PRKACB: variants seen among roughly 807,000 people sequenced by gnomAD.
PRKACB encodes the protein protein kinase cAMP-activated catalytic subunit beta.
A neutral mutation model predicts 51.4 loss-of-function variants in PRKACB; 16 were observed. The ratio of observed to expected loss-of-function variants is 0.31; its 90% CI spans 0.21 to 0.47. The LOEUF is 0.47. Ranked by LOEUF, PRKACB falls within the 20% of genes least tolerant of loss-of-function variation. PRKACB has a pLI of 1.00. For missense variants in PRKACB, 309 were observed against 464.5 expected, an observed-to-expected ratio of 0.67 and a Z score of 3.08; for synonymous variants, 147 against 154.4, an observed-to-expected ratio of 0.95 and a Z score of 0.35.
intron 5 of PRKACB, among the ~76,000 whole-genome samples, chr1:84,189,664 T>C (rs1264629656): frequency 6.6e-6 from 1 of 151,960 alleles, no homozygotes; most frequent in Admixed American, 6.6e-5. Context: ...TTACTATTTT[T>C]AATGAAGAGG....
At chr1:84,202,941 CTATCA>C (rs1572406654) in intron 8 of PRKACB, 136 bp downstream of exon 8, 1 of 783,848 alleles carries the variant, frequency 1.3e-6, no homozygotes, top group Non-Finnish European at 1.8e-6. Flanking sequence ...GCTGCTCTTA[CTATCA>C]TAAGAATTGA....
chr1:84,222,879 A>T (rs1006700349), intron 9 of PRKACB, among the ~76,000 whole-genome samples: 1 of 152,042 alleles, frequency 6.6e-6, no homozygotes, highest in African/African-American at 2.4e-5. Context: ...TGAGAAATCC[A>T]CGTTAGTCTG....
chr1:84,144,273 A>C lies in PRKACB; in HGVS notation c.-89A>C. 1 of 1,540,172 alleles carries C rather than the reference A, an allele frequency of 6.5e-7. No homozygotes were observed. Among genetic ancestry groups the C allele is most frequent in the Non-Finnish European group, 8.7e-7 (1 of 1,151,982 alleles). On this transcript the variant is annotated 5_prime_UTR_variant, in exon 1 of 10. It removes an upstream start codon present in the reference 5' UTR. Transcript: ENST00000370685. ...ACCCTGCAAACAGGAAGTTTGACAC[A>C]TGCATAGCTCTTAGCTTCTGTGTAA... is the stretch of plus-strand genomic sequence containing the variant.
chr1:84,225,522 G>A (rs1402687806), intron 9 of PRKACB, among the ~76,000 whole-genome samples: 1 of 152,140 alleles, frequency 6.6e-6, no homozygotes, highest in Admixed American at 6.5e-5. Context: ...ATAGACATGG[G>A]GCACTGTCAG....
chr1:84,172,579 T>C (rs1041777542), intron 1 of PRKACB, among the ~76,000 whole-genome samples: 5 of 151,784 alleles, frequency 3.3e-5, no homozygotes, highest in African/African-American at 1.2e-4. Context: ...TGTATCCATC[T>C]ATCCATGTAG....
At chr1:84,175,968 T>C (rs552118551) in intron 1 of PRKACB, among the ~76,000 whole-genome samples, 1 of 151,858 alleles carries the variant, frequency 6.6e-6, no homozygotes, top group South Asian at 2.1e-4. Flanking sequence ...CAGTAGAGAA[T>C]AAAATGTGTT....
In PRKACB at chr1:84,237,749, G is replaced by A. The variant is rs1407539727; in HGVS notation, c.*2444G>A. 6.6e-6 allele frequency: 1 copy of A among 152,126 alleles called. No individual in the cohort carries two copies. Among genetic ancestry groups the A allele is most frequent in the East Asian group, 1.9e-4 (1 of 5,202 alleles). The allele number at this position is 152,126 out of a possible 1,614,324, so 9.4% of individuals were successfully genotyped here. ...AACCTAAAATTACATATTTGAAACAGAAGATATTATGTTATGCTCAGTAAA... is the reference window on the plus strand; with the variant it reads ...AACCTAAAATTACATATTTGAAACAAAAGATATTATGTTATGCTCAGTAAA... On this transcript the variant is annotated 3_prime_UTR_variant, in exon 10 of 10. Coordinates refer to ENST00000370685, the MANE Select transcript of PRKACB (RefSeq NM_182948.4).
intron 8 of PRKACB, chr1:84,204,884 A>G: frequency 2.0e-6 from 2 of 983,638 alleles, no homozygotes; most frequent in South Asian, 9.4e-5. Flanking sequence ...TTTGCCAATC[A>G]TTCTCTATTG....
intron 1 of PRKACB, among the ~76,000 whole-genome samples, chr1:84,098,623 T>G (rs1649104824): frequency 6.6e-6 from 1 of 152,044 alleles, no homozygotes; most frequent in Admixed American, 6.6e-5. Flanking sequence ...ACAATATGAT[T>G]GCCAGATAAC....
chr1:84,186,768 G>C (rs75265671), intron 5 of PRKACB, among the ~76,000 whole-genome samples: 2,381 of 152,132 alleles, frequency 0.016, 62 homozygotes, highest in African/African-American at 0.054. Context: ...TTATCTGTTG[G>C]GGGGTGTCTA....
At chr1:84,114,458 G>A (rs1470634491) in intron 1 of PRKACB, among the ~76,000 whole-genome samples, 1 of 151,920 alleles carries the variant, frequency 6.6e-6, no homozygotes, top group Non-Finnish European at 1.5e-5. Flanking sequence ...GTTATTTGTA[G>A]TGTTCTTTTT....
At chr1:84,218,199 T>C (rs1166765376) in intron 9 of PRKACB, among the ~76,000 whole-genome samples, 1 of 152,192 alleles carries the variant, frequency 6.6e-6, no homozygotes, top group Non-Finnish European at 1.5e-5. Flanking sequence ...TAATATATTG[T>C]TGTGAAATAT....
At chr1:84,107,071 C>T (rs1425471996) in intron 1 of PRKACB, among the ~76,000 whole-genome samples, 1 of 152,092 alleles carries the variant, frequency 6.6e-6, no homozygotes, top group East Asian at 1.9e-4. Context: ...ATAATCTGTA[C>T]ACCACACCCC....
At chr1:84,138,669 C>T (rs1653082753) in intron 1 of PRKACB, among the ~76,000 whole-genome samples, 1 of 152,170 alleles carries the variant, frequency 6.6e-6, no homozygotes, top group African/African-American at 2.4e-5. Flanking sequence ...GAATACTTCT[C>T]AACTTATTTT....
At chr1:84,094,525 G>A (rs114040577) in intron 1 of PRKACB, among the ~76,000 whole-genome samples, 350 of 151,750 alleles carry the variant, frequency 2.3e-3, no homozygotes, top group African/African-American at 7.9e-3. Context: ...CAAATATTTG[G>A]GGGTTTTTAG....
At chr1:84,135,655 C>T (rs916838171) in intron 1 of PRKACB, among the ~76,000 whole-genome samples, 12 of 151,982 alleles carry the variant, frequency 7.9e-5, no homozygotes, top group Non-Finnish European at 1.2e-4. Flanking sequence ...GAACATATTT[C>T]TAAATAACAC....
At chr1:84,158,763 T>A (rs1305016726) in intron 1 of PRKACB, among the ~76,000 whole-genome samples, 1 of 152,158 alleles carries the variant, frequency 6.6e-6, no homozygotes, top group Non-Finnish European at 1.5e-5. Flanking sequence ...TAATGAAGAT[T>A]TTCAATCTGT....
At chr1:84,171,624 G>A (rs1659499891) in intron 1 of PRKACB, among the ~76,000 whole-genome samples, 1 of 151,732 alleles carries the variant, frequency 6.6e-6, no homozygotes, top group Admixed American at 6.6e-5. Flanking sequence ...TTTCTCTGAA[G>A]TTGGGAATAG....
chr1:84,163,765 A>G (rs1411297321), intron 1 of PRKACB, among the ~76,000 whole-genome samples: 1 of 152,052 alleles, frequency 6.6e-6, no homozygotes, highest in Non-Finnish European at 1.5e-5. Context: ...GTTTCTTAGG[A>G]AGATTTCCTG....
Sources: gnomAD v4.1 joint callset for allele counts (sites outside exome capture counted in the v4.1 genomes callset) on GRCh38, gnomAD v4.1.1 for gene constraint, MANE v1.5 for transcripts, NCBI Gene and HGNC (gene_info 2026-07-23, HGNC 2026-07-21) for gene names.